The following KLHL29 variants were observed in gnomAD, a reference collection of about 807,000 sequenced individuals.
The protein encoded by KLHL29 is kelch-like protein 29.
KLHL29 carries 21 observed loss-of-function variants against 80.4 expected under a neutral mutation model. The ratio of observed to expected loss-of-function variants is 0.26; its 90% CI spans 0.19 to 0.38. KLHL29 has a LOEUF of 0.38. Ranked by LOEUF, KLHL29 falls within the 10% of genes least tolerant of loss-of-function variation. KLHL29 has a pLI of 1.00. For missense variants in KLHL29, 867 were observed against 1,223.9 expected (o/e 0.71, Z 4.35); for synonymous variants, 511 against 526.8 (o/e 0.97, Z 0.41).
intron 1 of KLHL29, among the ~76,000 whole-genome samples, chr2:23,409,458 G>A (rs1052341682): frequency 2.0e-5 from 3 of 152,184 alleles, no homozygotes; most frequent in African/African-American, 7.2e-5. Flanking sequence ...CGTTTCCTCC[G>A]TTGGACGAAC....
At position 23,587,118 on chromosome 2, in the gene KLHL29, A is replaced by G. The variant is rs139168987; in HGVS notation, c.285+24637A>G. On this transcript the variant is annotated intron_variant, in intron 3 of 13. Coordinates refer to ENST00000486442, the MANE Select transcript of KLHL29 (RefSeq NM_052920.2). ...CTCCTTTTAATTAGACGCCCTGTTAAATTGCAGCAATTTTGCACTGTGGTT... is the reference window on the plus strand; with the variant it reads ...CTCCTTTTAATTAGACGCCCTGTTAGATTGCAGCAATTTTGCACTGTGGTT... 3.6e-3 allele frequency among the ~76,000 whole-genome samples: 548 copies of G among 152,208 alleles called. 1 individual carries two copies. The highest frequency in any genetic ancestry group is 8.0e-3 in the Admixed American group (123 of 15,288).
rs1167091316 is a variant in KLHL29 at position 23,681,296 on chromosome 2, A to G, written c.941-3103A>G. Among the ~76,000 whole-genome samples, 1 of 152,246 alleles carries G rather than the reference A, an allele frequency of 6.6e-6. No individual in the cohort carries two copies. The highest frequency in any genetic ancestry group is 3.2e-3 in the Middle Eastern group (1 of 316). The stretch of plus-strand genomic sequence containing the variant: ...ATAATCTTCCCCAACTATTAAATCC[A>G]GATTTCCACCAAGTGAGATTCAGAG... On this transcript the variant is annotated intron_variant, in intron 5 of 13. Coordinates refer to ENST00000486442, the MANE Select transcript of KLHL29 (RefSeq NM_052920.2). This position sits in a 1 kb window ranked among gnomAD's most constrained non-coding sequence, Gnocchi z 4.2.
intron 12 of KLHL29, 119 bp from the exon 13 acceptor site, chr2:23,703,600 A>G (rs1387882475): frequency 7.8e-7 from 1 of 1,280,362 alleles, no homozygotes; most frequent in Non-Finnish European, 1.0e-6. Context: ...TCCCCAGGCC[A>G]ATCAGTCACT....
intron 1 of KLHL29, among the ~76,000 whole-genome samples, chr2:23,465,177 C>A (rs1664314175): frequency 6.6e-6 from 1 of 152,216 alleles, no homozygotes; most frequent in South Asian, 2.1e-4. Context: ...GTATGGCCCC[C>A]TCTCACTCAG....
intron 5 of KLHL29, among the ~76,000 whole-genome samples, chr2:23,665,323 T>C (rs1477578128): frequency 6.6e-6 from 1 of 152,194 alleles, no homozygotes. Context: ...ATTTCTATGC[T>C]TGAAAAGTTG....
chr2:23,493,178 C>G (rs192817500), intron 2 of KLHL29, among the ~76,000 whole-genome samples: 1 of 152,286 alleles, frequency 6.6e-6, no homozygotes, highest in East Asian at 1.9e-4. Flanking sequence ...CCAACCTGTT[C>G]TTGCAAATAG....
chr2:23,457,829 C>A lies in KLHL29; in HGVS notation c.-153-17731C>A, dbSNP rs1282404844. 6.6e-6 allele frequency among the ~76,000 whole-genome samples: 1 copy of A among 152,004 alleles called. No individual in the cohort carries two copies. The highest frequency in any genetic ancestry group is 1.5e-5 in the Non-Finnish European group (1 of 67,988). ...GAGATCGAGACCATCCTGGCTAACA[C>A]AGTGAAACCCTGTCTCTACTAAAAA... On this transcript the variant is annotated intron_variant, in intron 1 of 13. Coordinates refer to ENST00000486442, the MANE Select transcript of KLHL29 (RefSeq NM_052920.2). The surrounding 1 kb of genome is among the most constrained non-coding windows in gnomAD (Gnocchi z 4.3).
chr2:23,504,742 G>A (rs1665551171), intron 2 of KLHL29, among the ~76,000 whole-genome samples: 1 of 152,264 alleles, frequency 6.6e-6, no homozygotes, highest in Non-Finnish European at 1.5e-5. Context: ...TCTGGGGCTG[G>A]CTGTCCTCGA....
At chr2:23,537,145 C>G (rs1443581059) in intron 2 of KLHL29, among the ~76,000 whole-genome samples, 2 of 152,100 alleles carry the variant, frequency 1.3e-5, no homozygotes, top group Non-Finnish European at 2.9e-5. Flanking sequence ...TGCATTTGTC[C>G]TGAGTTCCCT....
chr2:23,599,713 A>G (rs1406889653), intron 3 of KLHL29, among the ~76,000 whole-genome samples: 1 of 152,136 alleles, frequency 6.6e-6, no homozygotes, highest in African/African-American at 2.4e-5. Context: ...AGCATGCATA[A>G]TTTTTTTCCT....
intron 2 of KLHL29, chr2:23,532,475 G>A: frequency 4.6e-6 from 2 of 431,548 alleles, no homozygotes; most frequent in South Asian, 3.4e-5. Context: ...ACCCAGGGCG[G>A]CACCCAGGCC....
intron 2 of KLHL29, among the ~76,000 whole-genome samples, chr2:23,476,852 T>G (rs1309934451): frequency 6.6e-6 from 1 of 152,210 alleles, no homozygotes; most frequent in Non-Finnish European, 1.5e-5. Context: ...CACAATCTTA[T>G]GAACAGAATC....
chr2:23,427,598 C>T (rs939534032), intron 1 of KLHL29, among the ~76,000 whole-genome samples: 8 of 152,130 alleles, frequency 5.3e-5, no homozygotes, highest in Non-Finnish European at 7.3e-5. Flanking sequence ...TCAGCGCCTG[C>T]GGACAGTCAC....
At chr2:23,472,462 T>C (rs557124930) in intron 1 of KLHL29, among the ~76,000 whole-genome samples, 15 of 152,228 alleles carry the variant, frequency 9.9e-5, no homozygotes, top group African/African-American at 2.4e-4. Flanking sequence ...GATGAAACCC[T>C]GTCTCTACTA....
At position 23,524,102 on chromosome 2, in the gene KLHL29, T is replaced by C. The variant is rs912959801; in HGVS notation, c.-45-38050T>C. On this transcript the variant is annotated intron_variant, in intron 2 of 13. Transcript: ENST00000486442. ...GTTTTTTCTCCCCATGACACCTCAG[T>C]GTCGTAGGTAGCGGAGATGCAAGTG... 23 of 465,796 alleles carry C rather than the reference T, an allele frequency of 4.9e-5. No individual in the cohort carries two copies. In the East Asian group the frequency reaches 1.6e-3, roughly 33 times the overall value. 28.9% of individuals were successfully genotyped at this position (465,796 alleles called of 1,614,324 possible). A position where few individuals can be genotyped will look rare whatever the true frequency, so the allele number is the denominator to read the frequency against.
chr2:23,592,669 A>G (rs1709300), intron 3 of KLHL29, among the ~76,000 whole-genome samples: 5,087 of 152,350 alleles, frequency 0.033, 257 homozygotes, highest in African/African-American at 0.11. Flanking sequence ...TAGACCTGAC[A>G]GGGATGTGGC....
At chr2:23,534,476 C>G (rs1218801889) in intron 2 of KLHL29, among the ~76,000 whole-genome samples, 1 of 152,114 alleles carries the variant, frequency 6.6e-6, no homozygotes, top group African/African-American at 2.4e-5. Context: ...CTTTCAGAGG[C>G]TACTATGAAT....
At chr2:23,496,606 A>G (rs931667096) in intron 2 of KLHL29, among the ~76,000 whole-genome samples, 2 of 152,194 alleles carry the variant, frequency 1.3e-5, no homozygotes, top group Non-Finnish European at 2.9e-5. Flanking sequence ...GAGGGGAGGC[A>G]GTGCAGCCTG....
chr2:23,433,932 G>C (rs1663258478), intron 1 of KLHL29, among the ~76,000 whole-genome samples: 1 of 151,568 alleles, frequency 6.6e-6, no homozygotes, highest in South Asian at 2.1e-4. Context: ...GAGAAAAAAT[G>C]AACAGTTAAC....
Sources: gnomAD v4.1 joint callset for allele counts (sites outside exome capture counted in the v4.1 genomes callset) on GRCh38, gnomAD v4.1.1 for gene constraint, Gnocchi (gnomAD v3.1) non-coding constraint, MANE v1.5 for transcripts, NCBI Gene and HGNC (gene_info 2026-07-23, HGNC 2026-07-21) for gene names.